DAB2IP: variants seen among roughly 807,000 people sequenced by gnomAD.
The protein encoded by DAB2IP is DAB2 interacting protein.
In DAB2IP, 28 loss-of-function variants were observed where a neutral mutation model predicts 107.2. That is an observed-to-expected ratio of 0.26 (90% confidence interval 0.19 to 0.36). DAB2IP has a LOEUF of 0.36. Ranked by LOEUF, DAB2IP falls within the 10% of genes least tolerant of loss-of-function variation. The pLI is 1.00. For missense variants in DAB2IP, 1,400 were observed against 1,644.7 expected (o/e 0.85, Z 2.57); for synonymous variants, 755 against 706.4 (o/e 1.07, Z -1.09).
Position 121,641,332 on chromosome 9 carries a change from G to A in DAB2IP, c.41-37346G>A, listed in dbSNP as rs920232523. ...ATTCCCACCTACCTGGTCTTAGGAT[G>A]CTAGCTATGGGCTAGGTGGGATCCT... On this transcript the variant is annotated intron_variant, in intron 1 of 16. Coordinates refer to the DAB2IP transcript ENST00000259371. 5.9e-5 allele frequency among the ~76,000 whole-genome samples: 9 copies of A among 152,302 alleles called. 1 individual carries two copies.
chr9:121,758,387 T>G (rs1019744007), intron 4 of DAB2IP, among the ~76,000 whole-genome samples: 4 of 152,112 alleles, frequency 2.6e-5, no homozygotes, highest in Admixed American at 2.6e-4. Context: ...AATATCAGGC[T>G]TATATTACCA....
In DAB2IP at chr9:121,699,513, T is replaced by C; in HGVS notation, c.362+55T>C. The C allele has an allele frequency of 8.3e-7, 1 of 1,203,866 alleles. No homozygotes were observed. The highest frequency in any genetic ancestry group is 1.0e-6 in the Non-Finnish European group (1 of 967,614). 74.6% of individuals were successfully genotyped at this position (1,203,866 alleles called of 1,614,324 possible). On this transcript the variant is annotated intron_variant, in intron 3 of 15. Coordinates refer to ENST00000408936, the Ensembl canonical transcript of DAB2IP. The surrounding 1 kb of genome is among the most constrained non-coding windows in gnomAD (Gnocchi z 6.2). ...GCGCCGCCGCCCCGGGCTGCGCCCCTGAGGACGCGGGGACAAAGCGCGAGC... is the reference window on the plus strand; with the variant it reads ...GCGCCGCCGCCCCGGGCTGCGCCCCCGAGGACGCGGGGACAAAGCGCGAGC...
chr9:121,774,531 C>G, intron 13 of DAB2IP, 119 bp downstream of exon 13: 4 of 1,160,082 alleles, frequency 3.4e-6, no homozygotes, highest in Non-Finnish European at 4.7e-6. Context: ...AAGGGCCCGT[C>G]ACCTCTGAGC....
chr9:121,652,256 C>G (rs1832774003), intron 1 of DAB2IP, among the ~76,000 whole-genome samples: 1 of 152,126 alleles, frequency 6.6e-6, no homozygotes, highest in African/African-American at 2.4e-5. Context: ...CCTTGCCTTC[C>G]CAGCCCAGGC....
At chr9:121,613,753 A>C (rs117131613) in intron 1 of DAB2IP, among the ~76,000 whole-genome samples, 396 of 152,340 alleles carry the variant, frequency 2.6e-3, no homozygotes, top group Middle Eastern at 0.01. Flanking sequence ...TGACCTGTGC[A>C]CTTATTGGAG....
chr9:121,678,606 G>A, intron 1 of DAB2IP, 72 bp from the exon 2 acceptor site: 1 of 1,258,028 alleles, frequency 7.9e-7, no homozygotes, highest in Non-Finnish European at 1.1e-6. Flanking sequence ...ACTGGGATGG[G>A]AGTGGCAGGA....
chr9:121,721,972 G>T (rs905560972), intron 3 of DAB2IP, among the ~76,000 whole-genome samples: 4 of 152,220 alleles, frequency 2.6e-5, no homozygotes, highest in Admixed American at 2.6e-4. Flanking sequence ...ATGTGCTGCA[G>T]GCCTGACCCA....
rs138002479 is a variant in DAB2IP at position 121,693,905 on chromosome 9, C to T, written c.229-5420C>T. 2.3e-3 allele frequency among the ~76,000 whole-genome samples: 349 copies of T among 152,292 alleles called. 2 individuals are homozygous for T. Among genetic ancestry groups the T allele is most frequent in the African/African-American group, 8.1e-3 (337 of 41,554 alleles). On this transcript the variant is annotated intron_variant, in intron 2 of 15. Transcript: ENST00000408936. ...GCAGTGCCTTTGAGACCATTGGTGA[C>T]GTGGGGCTCCCGGGTGTCCAGGTGG...
intron 3 of DAB2IP, among the ~76,000 whole-genome samples, chr9:121,734,603 G>A (rs893760641): frequency 5.9e-5 from 9 of 152,206 alleles, no homozygotes; most frequent in Non-Finnish European, 2.9e-5. Flanking sequence ...AAAGGAAAAG[G>A]CCCTGTTATG....
chr9:121,676,831 G>C (rs1478415267), intron 1 of DAB2IP, among the ~76,000 whole-genome samples: 1 of 152,196 alleles, frequency 6.6e-6, no homozygotes, highest in Non-Finnish European at 1.5e-5. Flanking sequence ...GGAGTCCTCT[G>C]TTGGGGGCCA....
chr9:121,598,559 C>G (rs1307933231), intron 1 of DAB2IP: 1 of 152,300 alleles, frequency 6.6e-6, no homozygotes, highest in Non-Finnish European at 1.5e-5. Flanking sequence ...GCGCCCTCGC[C>G]TGGGCCTCCC....
chr9:121,783,719 C>T, exon 16 of DAB2IP: 4 of 907,210 alleles, frequency 4.4e-6, no homozygotes, highest in South Asian at 4.3e-5. Context: ...CCTTCCCGGC[C>T]CCCGGCCAAG....
intron 3 of DAB2IP, among the ~76,000 whole-genome samples, chr9:121,703,467 T>C (rs1829888238): frequency 6.6e-6 from 1 of 152,068 alleles, no homozygotes; most frequent in Admixed American, 6.6e-5. Context: ...CCAGGAGTCA[T>C]GGGATGTATG....
intron 8 of DAB2IP, among the ~76,000 whole-genome samples, 195 bp from the exon 9 acceptor site, chr9:121,766,299 C>G (rs1834271141): frequency 6.6e-6 from 1 of 152,240 alleles, no homozygotes; most frequent in African/African-American, 2.4e-5. Context: ...CCTCCTCCTG[C>G]CTGGGCACTT....
At chr9:121,646,070 TC>T (rs1239922925) in intron 1 of DAB2IP, among the ~76,000 whole-genome samples, 2 of 151,774 alleles carry the variant, frequency 1.3e-5, no homozygotes, top group African/African-American at 2.4e-5. Flanking sequence ...ACACTCACAC[TC>T]CCCGAGGCTC....
intron 1 of DAB2IP, among the ~76,000 whole-genome samples, chr9:121,568,013 T>TGGGGCAGCAGGTTTTGG (rs1564675836): frequency 6.9e-6 from 1 of 145,752 alleles, no homozygotes; most frequent in African/African-American, 2.5e-5. Flanking sequence ...CATGGGGGGG[T>TGGGGCAGCAGGTTTTGG]GGGGCAGCAG....
chr9:121,713,445 G>A (rs1005691184), intron 3 of DAB2IP, among the ~76,000 whole-genome samples: 1 of 152,130 alleles, frequency 6.6e-6, no homozygotes, highest in Non-Finnish European at 1.5e-5. Flanking sequence ...TGTAGACAGG[G>A]GCCTAAAACC....
chr9:121,752,012 T>C (rs1833152361), intron 3 of DAB2IP: 1 of 985,336 alleles, frequency 1.0e-6, no homozygotes, highest in African/African-American at 1.7e-5. Context: ...TGGAGCGCTG[T>C]CATGGGGCTA....
rs1263771652 is a variant in DAB2IP at position 121,635,020 on chromosome 9, G to A, written c.41-43658G>A. Among the ~76,000 whole-genome samples the A allele has an allele frequency of 6.6e-6, 1 of 152,148 alleles. No individual in the cohort carries two copies. Among genetic ancestry groups the A allele is most frequent in the African/African-American group, 2.4e-5 (1 of 41,444 alleles). ...CCCAGCCTCAGACCTGTGTATATGT[G>A]TGTGTGTGTGCGCGTGCGTGTGTAT... On this transcript the variant is annotated intron_variant, in intron 1 of 16. Coordinates refer to the DAB2IP transcript ENST00000259371. This position sits in a 1 kb window ranked among gnomAD's most constrained non-coding sequence, Gnocchi z 4.3.
Sources: gnomAD v4.1 joint callset for allele counts (sites outside exome capture counted in the v4.1 genomes callset) on GRCh38, gnomAD v4.1.1 for gene constraint, Gnocchi (gnomAD v3.1) non-coding constraint, MANE v1.5 for transcripts, NCBI Gene and HGNC (gene_info 2026-07-23, HGNC 2026-07-21) for gene names.